The following PHACTR1 variants were observed in gnomAD, a reference collection of about 807,000 sequenced individuals.
The protein encoded by PHACTR1 is phosphatase and actin regulator 1, also known as RPEL repeat containing 1.
Under a neutral mutation model 69.2 loss-of-function variants are expected in PHACTR1, and 16 were observed. That is an observed-to-expected ratio of 0.23 (90% CI 0.16 to 0.35). The LOEUF is 0.35. Among genes scored for constraint, PHACTR1 ranks in the 10% least tolerant of loss-of-function variants. PHACTR1 has a pLI of 1.00. For synonymous variants in PHACTR1, 312 were observed against 284.5 expected (o/e 1.10, Z -0.97); for missense variants, 510 against 734.7 (o/e 0.69, Z 3.54).
At chr6:12,834,121 C>T (rs1777888870) in intron 4 of PHACTR1, among the ~76,000 whole-genome samples, 1 of 152,074 alleles carries the variant, frequency 6.6e-6, no homozygotes, top group African/African-American at 2.4e-5. Flanking sequence ...TATACTTGTC[C>T]ACTGCTTTTA....
At chr6:12,994,041 A>C (rs1797119415) in intron 4 of PHACTR1, among the ~76,000 whole-genome samples, 1 of 152,170 alleles carries the variant, frequency 6.6e-6, no homozygotes. Context: ...AGAAATAGAG[A>C]ATAAATAGGA....
At chr6:12,944,746 C>A (rs1378353375) in intron 4 of PHACTR1, among the ~76,000 whole-genome samples, 1 of 149,772 alleles carries the variant, frequency 6.7e-6, no homozygotes, top group Non-Finnish European at 1.5e-5. Flanking sequence ...GACGTCGTCA[C>A]CTTTTGAATT....
intron 4 of PHACTR1, among the ~76,000 whole-genome samples, chr6:12,965,519 C>G (rs536468878): frequency 6.8e-6 from 1 of 147,518 alleles, no homozygotes; most frequent in Non-Finnish European, 1.5e-5. Context: ...TGGCCCCAAG[C>G]GTCATGCTGA....
At chr6:12,812,252 A>G (rs963563562) in intron 4 of PHACTR1, among the ~76,000 whole-genome samples, 1 of 152,194 alleles carries the variant, frequency 6.6e-6, no homozygotes, top group African/African-American at 2.4e-5. Flanking sequence ...ATCATACAGT[A>G]TGTGACTTTT....
intron 4 of PHACTR1, among the ~76,000 whole-genome samples, chr6:12,857,275 C>T (rs1165682237): frequency 6.6e-6 from 1 of 152,064 alleles, no homozygotes; most frequent in Non-Finnish European, 1.5e-5. Context: ...CTAAAATTTA[C>T]ACTTAAAGTG....
intron 5 of PHACTR1, among the ~76,000 whole-genome samples, chr6:13,071,998 A>G (rs553145783): frequency 1.1e-4 from 17 of 152,362 alleles, no homozygotes; most frequent in Non-Finnish European, 1.9e-4. Flanking sequence ...TATGAAAAAA[A>G]GGTTATACAA....
intron 12 of PHACTR1, chr6:13,280,978 C>T (rs757068382): frequency 6.2e-6 from 8 of 1,289,356 alleles, no homozygotes; most frequent in Non-Finnish European, 8.1e-6. Context: ...GGGGTCCGTG[C>T]ACCAACTGTG....
chr6:13,263,225 T>G (rs187545651), intron 10 of PHACTR1, among the ~76,000 whole-genome samples: 215 of 147,826 alleles, frequency 1.5e-3, no homozygotes, highest in African/African-American at 4.1e-3. Context: ...GTCCTTTATT[T>G]TGGGCTTTTA....
chr6:13,074,071 C>T (rs1442871170), intron 5 of PHACTR1, among the ~76,000 whole-genome samples: 1 of 152,018 alleles, frequency 6.6e-6, no homozygotes, highest in Non-Finnish European at 1.5e-5. Context: ...CAAGGTTTCA[C>T]CATGTTGGTC....
At chr6:13,227,294 C>T (rs915830041) in intron 8 of PHACTR1, among the ~76,000 whole-genome samples, 1 of 152,220 alleles carries the variant, frequency 6.6e-6, no homozygotes, top group African/African-American at 2.4e-5. Flanking sequence ...CTTTCACACA[C>T]TCAGTCCCTA....
rs766527696 is a variant in PHACTR1 at position 13,019,069 on chromosome 6, TA to T, written c.251-34295del. On this transcript the variant is annotated intron_variant, in intron 4 of 14. Transcript: ENST00000332995. ...TACAGTTGAAATATATATATATATA[TA>T]TATATTTTTTCTTTTTCTTTTTGTA... Among the ~76,000 whole-genome samples, 608 of 127,540 alleles carry T rather than the reference TA, an allele frequency of 4.8e-3. 4 individuals are homozygous for T. Among genetic ancestry groups the T allele is most frequent in the African/African-American group, 0.013 (494 of 36,846 alleles). The allele number at this position is 127,540 out of a possible 152,430, so 83.7% of individuals were successfully genotyped here.
At chr6:12,818,280 T>C (rs1422138409) in intron 4 of PHACTR1, among the ~76,000 whole-genome samples, 1 of 152,180 alleles carries the variant, frequency 6.6e-6, no homozygotes, top group African/African-American at 2.4e-5. Context: ...CTTTTTGGGC[T>C]TGATGGTCAA....
chr6:12,907,303 G>C (rs1785851914), intron 4 of PHACTR1, among the ~76,000 whole-genome samples: 1 of 152,198 alleles, frequency 6.6e-6, no homozygotes, highest in African/African-American at 2.4e-5. Context: ...AACCTAATCA[G>C]CTTGAGGTTT....
chr6:12,973,451 C>T (rs989766134), intron 4 of PHACTR1, among the ~76,000 whole-genome samples: 14 of 152,048 alleles, frequency 9.2e-5, no homozygotes, highest in Admixed American at 2.6e-4. Context: ...TATGTTCAGC[C>T]CTCAGAGAGG....
At chr6:12,934,662 C>T (rs1789241315) in intron 4 of PHACTR1, among the ~76,000 whole-genome samples, 1 of 152,008 alleles carries the variant, frequency 6.6e-6, no homozygotes, top group Non-Finnish European at 1.5e-5. Context: ...ATGGTGAAAC[C>T]CCGTCTCTAA....
At chr6:13,181,072 A>G (rs920670344) in intron 6 of PHACTR1, among the ~76,000 whole-genome samples, 1 of 151,786 alleles carries the variant, frequency 6.6e-6, no homozygotes, top group Non-Finnish European at 1.5e-5. Context: ...GGCATTCATT[A>G]TATTTTTTCT....
chr6:13,144,988 C>T (rs1823111168), intron 5 of PHACTR1, among the ~76,000 whole-genome samples: 1 of 152,094 alleles, frequency 6.6e-6, no homozygotes, highest in Admixed American at 6.6e-5. Context: ...ATATAAACAT[C>T]TAATTCAAGG....
intron 4 of PHACTR1, among the ~76,000 whole-genome samples, chr6:13,013,970 G>T (rs934148912): frequency 6.6e-6 from 1 of 151,678 alleles, no homozygotes; most frequent in Non-Finnish European, 1.5e-5. Flanking sequence ...TGCCAGGCGC[G>T]AGCGCCGAGA....
chr6:13,102,960 T>C (rs976801506), intron 5 of PHACTR1, among the ~76,000 whole-genome samples: 2 of 152,208 alleles, frequency 1.3e-5, no homozygotes, highest in African/African-American at 4.8e-5. Flanking sequence ...CAACCTTTGC[T>C]TCGTTCTTTG....
Sources: allele counts gnomAD v4.1 joint callset (sites outside exome capture counted in the v4.1 genomes callset), GRCh38; gene constraint gnomAD v4.1.1; transcripts MANE v1.5; gene names NCBI Gene and HGNC (gene_info 2026-07-23, HGNC 2026-07-21).